Variants in KDM6A observed in about 807,000 individuals in gnomAD.
The protein encoded by KDM6A is lysine demethylase 6A.
In KDM6A, 11 loss-of-function variants were observed where a neutral mutation model predicts 117.6. That is an observed-to-expected ratio of 0.09 (90% CI 0.06 to 0.15). KDM6A has a LOEUF of 0.15. Ranked by LOEUF, KDM6A falls within the 10% of genes least tolerant of loss-of-function variation. The pLI is 1.00. For missense variants in KDM6A, 799 were observed against 1,077.3 expected, an observed-to-expected ratio of 0.74 and a Z score of 3.62; for synonymous variants, 384 against 396.1, an observed-to-expected ratio of 0.97 and a Z score of 0.36.
chrX:45,013,604 A>G (rs962640631), intron 5 of KDM6A, among the ~76,000 whole-genome samples: 2 of 111,994 alleles, frequency 1.8e-5, no homozygotes, highest in African/African-American at 6.5e-5. Context: ...TATAAGGACA[A>G]TGCAATGTCT....
At position 45,093,385 on chromosome X, in the gene KDM6A, C is replaced by A. The variant is rs751892740; in HGVS notation, c.4034+2521C>A. On this transcript the variant is annotated intron_variant, in intron 27 of 29. Transcript: ENST00000611820. ...GTGAGACTCTCTCTCAAAAAAAAAA[C>A]AAACAAACAAACAAACAAAAAAAAA... Among the ~76,000 whole-genome samples, 211 of 102,663 alleles carry A rather than the reference C, an allele frequency of 2.1e-3. 1 individual carries two copies. Among genetic ancestry groups the A allele is most frequent in the Non-Finnish European group, 3.2e-3 (164 of 50,930 alleles). The allele number at this position is 102,663 out of a possible 115,157, so 89.2% of individuals were successfully genotyped here.
chrX:45,019,956 CGAA>C (rs1257646133), intron 5 of KDM6A, among the ~76,000 whole-genome samples: 1 of 110,993 alleles, frequency 9.0e-6, no homozygotes, highest in Non-Finnish European at 1.9e-5. Context: ...AACTGATAGA[CGAA>C]GAAAAGCGGA....
chrX:44,999,257 A>G (rs1451557776), intron 4 of KDM6A, among the ~76,000 whole-genome samples: 1 of 112,413 alleles, frequency 8.9e-6, no homozygotes, highest in Non-Finnish European at 1.9e-5. Context: ...GTACTTCTAT[A>G]GAAGGGTGCG....
At chrX:44,944,002 G>A (rs1164218531) in intron 2 of KDM6A, among the ~76,000 whole-genome samples, 2 of 111,229 alleles carry the variant, frequency 1.8e-5, no homozygotes, top group Non-Finnish European at 3.8e-5. Flanking sequence ...AGATAATATA[G>A]TGGTACCTCA....
intron 29 of KDM6A, among the ~76,000 whole-genome samples, chrX:45,111,099 A>G (rs778481243): frequency 1.8e-5 from 2 of 111,692 alleles, no homozygotes; most frequent in African/African-American, 6.5e-5. Flanking sequence ...TTTTTAAGCA[A>G]TCTTAAAAAA....
chrX:44,915,659 T>G (rs1971083351), intron 2 of KDM6A, among the ~76,000 whole-genome samples: 1 of 111,518 alleles, frequency 9.0e-6, no homozygotes, highest in South Asian at 3.8e-4. Flanking sequence ...CATGATGAAA[T>G]CTCGCACTGT....
chrX:44,889,714 A>G (rs970103103), intron 2 of KDM6A, among the ~76,000 whole-genome samples: 1 of 112,307 alleles, frequency 8.9e-6, no homozygotes, highest in African/African-American at 3.2e-5. Context: ...TTAACAATCT[A>G]ACGTAAGTTT....
intron 10 of KDM6A, among the ~76,000 whole-genome samples, chrX:45,058,055 C>G: frequency 1.0e-5 from 1 of 96,480 alleles, no homozygotes; most frequent in Non-Finnish European, 2.0e-5. Context: ...TTTACATATT[C>G]AAATCCCTTA....
chrX:45,097,314 A>T, intron 27 of KDM6A, among the ~76,000 whole-genome samples: 1 of 111,149 alleles, frequency 9.0e-6, no homozygotes, highest in East Asian at 2.8e-4. Context: ...ACACAAGCTT[A>T]CCTATAACAG....
intron 2 of KDM6A, among the ~76,000 whole-genome samples, chrX:44,909,033 G>A (rs2034911143): frequency 8.9e-6 from 1 of 112,053 alleles, no homozygotes; most frequent in Non-Finnish European, 1.9e-5. Flanking sequence ...TTTGGTAAAT[G>A]CTACCTCAAA....
At chrX:44,878,560 A>G (rs1050986493) in intron 2 of KDM6A, among the ~76,000 whole-genome samples, 9 of 112,016 alleles carry the variant, frequency 8.0e-5, no homozygotes, top group Middle Eastern at 4.6e-3. Flanking sequence ...TACTAAGATT[A>G]TAGAACATAT....
chrX:44,974,838 GA>G, intron 4 of KDM6A, 123 bp downstream of exon 4: 2 of 541,803 alleles, frequency 3.7e-6, no homozygotes, highest in East Asian at 7.0e-5. Flanking sequence ...GCTTCTAGGG[GA>G]AAGGTATTGG....
chrX:44,926,376 C>T lies in KDM6A; in HGVS notation c.226-34908C>T, dbSNP rs192677784. Among the ~76,000 whole-genome samples the T allele has an allele frequency of 3.6e-4, 40 of 111,067 alleles. 1 individual carries two copies. Among genetic ancestry groups the T allele is most frequent in the African/African-American group, 1.2e-3 (37 of 30,522 alleles). The stretch of plus-strand genomic sequence containing the variant: ...GCGGGTGTGAACCACCACTCCCGGC[C>T]AAGGATGTTTTAATACTGTTTAAAT... On this transcript the variant is annotated intron_variant, in intron 2 of 29. Transcript: ENST00000611820.
At position 44,904,105 on chromosome X, in the gene KDM6A, TGTA is replaced by T. The variant is rs200241205; in HGVS notation, c.225+30121_225+30123del. Reference sequence around the variant, plus strand: ...CTTTGCAGTATTGGCTTTTGTTTCTTGTAGTTGTTTCTTTGTTTAGTGACTTCT... The same window carrying T: ...CTTTGCAGTATTGGCTTTTGTTTCTTGTTGTTTCTTTGTTTAGTGACTTCT... On this transcript the variant is annotated intron_variant, in intron 2 of 29. Transcript: ENST00000611820. Among the ~76,000 whole-genome samples the T allele has an allele frequency of 3.8e-3, 427 of 112,210 alleles. 7 individuals are homozygous for T. Among genetic ancestry groups the T allele is most frequent in the African/African-American group, 0.013 (408 of 30,906 alleles).
At chrX:44,978,087 C>T (rs1488367900) in intron 4 of KDM6A, among the ~76,000 whole-genome samples, 1 of 112,286 alleles carries the variant, frequency 8.9e-6, no homozygotes, top group Non-Finnish European at 1.9e-5. Flanking sequence ...CAGTCTTCTA[C>T]ATTGCCCTTG....
intron 2 of KDM6A, among the ~76,000 whole-genome samples, chrX:44,875,665 T>C (rs1266249312): frequency 1.8e-5 from 2 of 111,551 alleles, no homozygotes; most frequent in Non-Finnish European, 3.8e-5. Context: ...TGATTTAAAT[T>C]AAAAGAGCAT....
At position 45,090,577 on chromosome X, in the gene KDM6A, A is replaced by G. The variant is rs911860847; in HGVS notation, c.3893-146A>G. ...GATTGCTAATATTATTACTACTGTA[A>G]TTATCATAAAGCATAAAAATTATTT... On this transcript the variant is annotated intron_variant, in intron 26 of 29. Coordinates refer to ENST00000611820, the MANE Select transcript of KDM6A (RefSeq NM_001291415.2). The G allele has an allele frequency of 4.5e-4, 265 of 595,445 alleles. 2 individuals carry two copies. The highest frequency in any genetic ancestry group is 3.7e-4 in the Non-Finnish European group (142 of 379,963). 49.1% of individuals were successfully genotyped at this position (595,445 alleles called of 1,213,427 possible).
intron 8 of KDM6A, among the ~76,000 whole-genome samples, chrX:45,049,351 TCTTC>T (rs2147901436): frequency 8.9e-6 from 1 of 112,205 alleles, no homozygotes; most frequent in South Asian, 3.7e-4. Context: ...AGATCTTTAC[TCTTC>T]CTTATGATTT....
chrX:45,071,918 G>T (rs745484176), intron 18 of KDM6A, among the ~76,000 whole-genome samples: 16 of 110,690 alleles, frequency 1.4e-4, no homozygotes, highest in Non-Finnish European at 2.5e-4. Flanking sequence ...GGGATTACAG[G>T]CATGCAGCAC....
Sources: gnomAD v4.1 joint callset for allele counts (sites outside exome capture counted in the v4.1 genomes callset) on GRCh38, gnomAD v4.1.1 for gene constraint, MANE v1.5 for transcripts, NCBI Gene and HGNC (gene_info 2026-07-23, HGNC 2026-07-21) for gene names.